The following TCOF1 variants were observed in gnomAD, a reference collection of about 807,000 sequenced individuals.
TCOF1 encodes treacle protein.
Under a neutral mutation model 149.0 loss-of-function variants are expected in TCOF1, and 33 were observed. The ratio of observed to expected loss-of-function variants is 0.22; its 90% CI spans 0.17 to 0.30. The LOEUF is 0.30. Among genes scored for constraint, TCOF1 ranks in the 10% least tolerant of loss-of-function variants. TCOF1 has a pLI of 1.00. For missense variants in TCOF1, 1,728 were observed against 1,840.7 expected, an observed-to-expected ratio of 0.94 and a Z score of 1.12; for synonymous variants, 789 against 738.8, an observed-to-expected ratio of 1.07 and a Z score of -1.10.
rs1562324390 is a variant in TCOF1, at chr5:150,372,033, G to A, written c.667G>A (p.Val223Ile). 4 of 1,614,196 alleles carry A rather than the reference G, an allele frequency of 2.5e-6. No individual in the cohort carries two copies. Among genetic ancestry groups the A allele is most frequent in the Non-Finnish European group, 3.4e-6 (4 of 1,180,044 alleles). Residue 223 changes from valine (V) to isoleucine (I), a missense_variant, in exon 7 of 27, where the codon GTC (valine) becomes ATC (isoleucine). Physicochemically the swap from Val to Ile is conservative, Grantham distance 29 (BLOSUM62 3). Coordinates refer to ENST00000643257, the MANE Select transcript of TCOF1 (RefSeq NM_001371623.1). ...GAAACCCTCAGTAAAACCAGCCCAG[G>A]TCAAAGCCTCATCAGTTTCTACTAA... ...EGKPSVKPAQ[V>I]KASSVSTKES...
intron 22 of TCOF1, 199 bp downstream of exon 22, chr5:150,392,989 G>T (rs1055630162): frequency 4.5e-6 from 3 of 661,110 alleles, no homozygotes; most frequent in South Asian, 3.5e-5. Flanking sequence ...CCCTCATAGA[G>T]CCCTGAGTAG....
chr5:150,396,879 G>T lies in TCOF1; in HGVS notation c.4345+37G>T. 3.2e-6 allele frequency: 5 copies of T among 1,565,000 alleles called. No homozygotes were observed. The South Asian group carries it at 5.9e-5, about 18-fold the overall frequency. On this transcript the variant is annotated intron_variant, in intron 24 of 26. Coordinates refer to ENST00000643257, the MANE Select transcript of TCOF1 (RefSeq NM_001371623.1). ...CTTCTCCCAGCCCACCCCAAGGGCT[G>T]CTGGGCACCCCACGGGGGCGGGAGG... is the stretch of plus-strand genomic sequence containing the variant.
In TCOF1 at chr5:150,375,506, A is replaced by G. The variant is rs756543160; in HGVS notation, c.1656A>G (p.Ser552=). The change falls in exon 11 of 27, where the codon TCA becomes TCG. Residue 552 remains serine, a synonymous_variant. Coordinates refer to ENST00000643257, the MANE Select transcript of TCOF1 (RefSeq NM_001371623.1). ...EEDSESSSEE[S]SDSSDGEVPT... is the part of the protein sequence containing the mutation. The stretch of plus-strand genomic sequence containing the variant: ...ACTCAGAGAGCAGTAGTGAGGAGTC[A>G]TCAGACAGCAGTGATGGAGAGGTGC... 7 of 1,614,156 alleles carry G rather than the reference A, an allele frequency of 4.3e-6. No homozygotes were observed. The highest frequency in any genetic ancestry group is 5.9e-6 in the Non-Finnish European group (7 of 1,180,010).
intron 10 of TCOF1, 38 bp from the exon 11 acceptor site, chr5:150,375,301 T>G (rs765252822): frequency 1.2e-6 from 2 of 1,606,956 alleles, no homozygotes; most frequent in South Asian, 2.2e-5. Flanking sequence ...ATTCTCCTTC[T>G]GGACTCCCTC....
At chr5:150,374,062 G>A in intron 7 of TCOF1, 112 bp from the exon 8 acceptor site, 4 of 1,188,950 alleles carry the variant, frequency 3.4e-6, no homozygotes, top group Non-Finnish European at 4.9e-6. Context: ...GAGTGGGGAG[G>A]GAAGCAGGGG....
intron 3 of TCOF1, 37 bp downstream of exon 3, chr5:150,364,289 T>C (rs1339090820): frequency 6.2e-7 from 1 of 1,613,444 alleles, no homozygotes; most frequent in East Asian, 2.2e-5. Context: ...GGCTATGGAA[T>C]ATTGATTGTT....
At position 150,388,063 on chromosome 5, in the gene TCOF1, C is replaced by T. The variant is rs764363052; in HGVS notation, c.3021C>T (p.Ile1007=). 28 of 1,613,356 alleles carry T rather than the reference C, an allele frequency of 1.7e-5. No individual in the cohort carries two copies. Among genetic ancestry groups the T allele is most frequent in the Non-Finnish European group, 2.4e-5 (28 of 1,179,992 alleles). The change falls in exon 18 of 27, where the codon ATC becomes ATT. Residue 1007 remains isoleucine, a synonymous_variant. Transcript: ENST00000643257. The part of the protein sequence containing the change: ...SSSESEDEDV[I]PATQCLTPGI... ...CCGAGAGCGAGGATGAGGACGTGAT[C>T]CCCGCTACACAGTGCTTGACTCCTG...
In TCOF1 at chr5:150,375,857, CATCGGACA is replaced by C. The variant is rs754331537; in HGVS notation, c.1842_1849del (p.Ser615CysfsTer4). On this transcript the variant is annotated frameshift_variant, in exon 12 of 27. Coordinates refer to ENST00000643257, the MANE Select transcript of TCOF1 (RefSeq NM_001371623.1). LOFTEE classifies it high-confidence loss of function. Reference sequence around the variant, plus strand: ...GACAACTCGGAGAGCAGCGAGGAGTCATCGGACAGTGCGGACAGTGAGGAGGCACCAGC... The same window carrying C: ...GACAACTCGGAGAGCAGCGAGGAGTCGTGCGGACAGTGAGGAGGCACCAGC... 2.7e-5 allele frequency: 44 copies of C among 1,614,060 alleles called. No homozygotes were observed. The highest frequency in any genetic ancestry group is 3.4e-5 in the Non-Finnish European group (40 of 1,180,038).
rs1369379441 is a variant in TCOF1, at chr5:150,357,814, A to G, written c.68A>G (p.Tyr23Cys). 6.5e-7 allele frequency: 1 copy of G among 1,549,780 alleles called. No homozygotes were observed. The highest frequency in any genetic ancestry group is 2.4e-5 in the East Asian group (1 of 40,872). Residue 23 changes from tyrosine (Y) to cysteine (C), a missense_variant, in exon 1 of 27, where the codon TAT becomes TGT. Tyr to Cys is a radical substitution (Grantham distance 194, BLOSUM62 -2). Around this residue, in one of 2 missense-constraint regions of TCOF1, gnomAD observed 32 missense variants for 75.3 expected, o/e 0.43. Transcript: ENST00000643257. The stretch of plus-strand genomic sequence containing the variant: ...TACCACCATCTGCTGCGGGCTGGCT[A>G]TGTGCGTGCGGCGCGGGAAGTGAAG... ...LIYHHLLRAG[Y>C]VRAAREVKEQ...
chr5:150,390,286 C>T (rs996495048), intron 19 of TCOF1, among the ~76,000 whole-genome samples: 14 of 152,168 alleles, frequency 9.2e-5, no homozygotes, highest in African/African-American at 3.1e-4. Context: ...GATTTTCCAG[C>T]GTAGTGGGGC....
intron 18 of TCOF1, among the ~76,000 whole-genome samples, chr5:150,388,459 G>A (rs750441747): frequency 2.6e-5 from 4 of 152,138 alleles, no homozygotes; most frequent in Non-Finnish European, 4.4e-5. Flanking sequence ...AGTAGGTTAG[G>A]CAATCCCTAA....
chr5:150,379,127 C>T (rs1391912512), intron 15 of TCOF1, 85 bp downstream of exon 15: 16 of 1,613,574 alleles, frequency 9.9e-6, no homozygotes, highest in Admixed American at 6.7e-5. Context: ...GGAGAAGGTG[C>T]GTGCATGGGC....
At chr5:150,385,867 T>A (rs950929042) in intron 17 of TCOF1, among the ~76,000 whole-genome samples, 1 of 152,042 alleles carries the variant, frequency 6.6e-6, no homozygotes, top group African/African-American at 2.4e-5. Context: ...TTCACTCCCA[T>A]CAGTTTTTTT....
intron 17 of TCOF1, among the ~76,000 whole-genome samples, chr5:150,383,513 T>C (rs1765656317): frequency 1.3e-5 from 2 of 152,238 alleles, no homozygotes; most frequent in South Asian, 4.1e-4. Flanking sequence ...CTCTCCTGCC[T>C]CTGTGCACTG....
In TCOF1 at chr5:150,357,718, AG is replaced by A; in HGVS notation, c.-27del. On this transcript the variant is annotated 5_prime_UTR_variant, in exon 1 of 27. Transcript: ENST00000643257. ...GGGCGGGGACTAAGGCGGGGCGTGCAGGTAGCCGGCCGGCCGGGGGTCGCGG... is the reference window on the plus strand; with the variant it reads ...GGGCGGGGACTAAGGCGGGGCGTGCAGTAGCCGGCCGGCCGGGGGTCGCGG... 1 of 1,534,292 alleles carries A rather than the reference AG, an allele frequency of 6.5e-7. No homozygotes were observed. The highest frequency in any genetic ancestry group is 1.2e-5 in the South Asian group (1 of 83,690).
At chr5:150,395,298 C>T (rs570494441) in intron 23 of TCOF1, among the ~76,000 whole-genome samples, 17 of 152,328 alleles carry the variant, frequency 1.1e-4, no homozygotes, top group Non-Finnish European at 2.2e-4. Context: ...CAGGACCAAA[C>T]CACCAAGCCA....
At position 150,375,535 on chromosome 5, in the gene TCOF1, C is replaced by T. The variant is rs1468475037; in HGVS notation, c.1685C>T (p.Thr562Ile). The T allele has an allele frequency of 7.4e-6, 12 of 1,614,178 alleles. No homozygotes were observed. The highest frequency in any genetic ancestry group is 5.5e-5 in the South Asian group (5 of 91,088). ...SSDSSDGEVP[T>I]AVAPAQEKSL... ...GACAGCAGTGATGGAGAGGTGCCCA[C>T]AGCTGTGGCCCCGGCTCAGGTGAGG... The change falls in exon 11 of 27, where the codon ACA becomes ATA. Residue 562 changes from threonine (T) to isoleucine (I), a missense_variant. Physicochemically the swap from Thr to Ile is moderately conservative, Grantham distance 89. Around this residue, in one of 2 missense-constraint regions of TCOF1, gnomAD observed 1,696 missense variants for 1,765.4 expected, o/e 0.96. Transcript: ENST00000643257.
At chr5:150,375,593 C>A in intron 11 of TCOF1, 39 bp downstream of exon 11, 1 of 1,613,380 alleles carries the variant, frequency 6.2e-7, no homozygotes, top group Non-Finnish European at 8.5e-7. Context: ...TTTTTCCCCC[C>A]CACTCAGAGT....
chr5:150,396,349 C>G lies in TCOF1; in HGVS notation c.3852C>G (p.Asn1284Lys). ...GGAAGCCCAAGAAAGGGGCTGGGAA[C>G]CCCCAAGCCTCAACCCTGGCGCTGC... ...KSRKPKKGAG[N>K]PQASTLALQS... is the part of the protein sequence containing the mutation. The change falls in exon 24 of 27, where the codon AAC (asparagine) becomes AAG (lysine). Residue 1284 changes from asparagine (N) to lysine (K), a missense_variant. This residue lies in a region of TCOF1 where 1,696 missense variants were observed against 1,765.4 expected (regional missense o/e 0.96). Transcript: ENST00000643257. The G allele has an allele frequency of 1.9e-6, 3 of 1,613,936 alleles. No individual in the cohort carries two copies. The South Asian group carries it at 3.3e-5, about 18-fold the overall frequency.
Sources: allele counts gnomAD v4.1 joint callset (sites outside exome capture counted in the v4.1 genomes callset), GRCh38; gene constraint gnomAD v4.1.1; regional missense constraint gnomAD v4.1.1; transcripts MANE v1.5; gene names NCBI Gene and HGNC (gene_info 2026-07-23, HGNC 2026-07-21).